The following RANBP2 variants were observed in gnomAD, a reference collection of about 807,000 sequenced individuals.
The protein encoded by RANBP2 is RAN binding protein 2, also known as E3 SUMO-protein ligase RanBP2.
Under a neutral mutation model 303.6 loss-of-function variants are expected in RANBP2, and 57 were observed. The observed-to-expected ratio is 0.19, with a 90% CI of 0.15 to 0.23. The LOEUF (loss-of-function observed/expected upper bound fraction) is 0.23, where lower values mean the gene tolerates loss of function less well. RANBP2 is among the 10% of genes least tolerant of loss of function. RANBP2 has a pLI of 1.00. For missense variants in RANBP2, 3,138 were observed against 3,780.8 expected (o/e 0.83, Z 4.46); for synonymous variants, 1,167 against 1,301.5 (o/e 0.90, Z 2.23).
the RANBP2 span, among the ~76,000 whole-genome samples, chr2:109,103,078 G>A: frequency 6.6e-5 from 10 of 152,214 alleles, no homozygotes; most frequent in African/African-American, 1.9e-4. Flanking sequence ...CGTGTGTGCA[G>A]CACTGTGCTT....
At chr2:108,937,749 ATATGAATG>A in the RANBP2 span, among the ~76,000 whole-genome samples, 1 of 151,884 alleles carries the variant, frequency 6.6e-6, no homozygotes, top group African/African-American at 2.4e-5. Flanking sequence ...GAGTGTATGC[ATATGAATG>A]TATGTGTGTG....
the RANBP2 span, among the ~76,000 whole-genome samples, chr2:109,392,465 G>A: frequency 2.0e-5 from 3 of 152,044 alleles, no homozygotes; most frequent in Non-Finnish European, 2.9e-5. Flanking sequence ...ATGTGGGGAT[G>A]AAGGTAAAGT....
At chr2:108,939,067 C>T in the RANBP2 span, among the ~76,000 whole-genome samples, 42 of 151,988 alleles carry the variant, frequency 2.8e-4, no homozygotes, top group South Asian at 6.2e-4. Flanking sequence ...CATGAGCCAC[C>T]GTGCCTGGCC....
At chr2:108,720,036 G>C (rs1477897808) in intron 1 of RANBP2, 1 of 985,230 alleles carries the variant, frequency 1.0e-6, no homozygotes. Flanking sequence ...CCCGGGTGCT[G>C]TATCGGCGGG....
chr2:108,899,495 TAGTG>T, the RANBP2 span, among the ~76,000 whole-genome samples: 487 of 152,264 alleles, frequency 3.2e-3, 3 homozygotes, highest in Non-Finnish European at 5.9e-3. Flanking sequence ...GAAAAGAACA[TAGTG>T]AGCAAAAATA....
chr2:109,179,743 A>G, the RANBP2 span, among the ~76,000 whole-genome samples: 41 of 152,146 alleles, frequency 2.7e-4, no homozygotes, highest in African/African-American at 9.2e-4. Context: ...AATTACCTCC[A>G]AAGACCCTGC....
the RANBP2 span, among the ~76,000 whole-genome samples, chr2:109,495,072 G>A: frequency 0.031 from 4,678 of 152,264 alleles, 152 homozygotes; most frequent in African/African-American, 0.079. Context: ...ACGAGCCTGG[G>A]GTGTAAGTCA....
At chr2:109,536,077 C>CCTCT in the RANBP2 span, among the ~76,000 whole-genome samples, 2 of 150,972 alleles carry the variant, frequency 1.3e-5, no homozygotes, top group African/African-American at 4.9e-5. Context: ...TCATGGAGAA[C>CCTCT]CTCTGCTAGG....
the RANBP2 span, among the ~76,000 whole-genome samples, chr2:109,457,125 C>T: frequency 6.6e-6 from 1 of 152,198 alleles, no homozygotes; most frequent in Non-Finnish European, 1.5e-5. Context: ...ACGATAGCAC[C>T]TACCACCCTG....
At chr2:109,582,985 A>C in the RANBP2 span, among the ~76,000 whole-genome samples, 2,527 of 152,318 alleles carry the variant, frequency 0.017, 68 homozygotes, top group African/African-American at 0.057. Flanking sequence ...ATGCAGAAGA[A>C]TGAAACTGGA....
chr2:109,565,750 T>C, the RANBP2 span: 1 of 1,605,324 alleles, frequency 6.2e-7, no homozygotes, highest in South Asian at 1.1e-5. Flanking sequence ...TAGTCATCCT[T>C]TGTCTCATTT....
At chr2:108,741,574 C>T (rs184757258) in intron 7 of RANBP2, among the ~76,000 whole-genome samples, 3,325 of 131,112 alleles carry the variant, frequency 0.025, 128 homozygotes, top group African/African-American at 0.089. Context: ...GGCACGATCT[C>T]GGCTCCCTGC....
chr2:109,129,043 A>G, the RANBP2 span: 2 of 413,602 alleles, frequency 4.8e-6, no homozygotes, highest in East Asian at 1.1e-4. Flanking sequence ...GACAGCGACT[A>G]GCGAGCAGGC....
chr2:109,532,009 A>C, the RANBP2 span, among the ~76,000 whole-genome samples: 378 of 152,364 alleles, frequency 2.5e-3, 1 homozygote, highest in Non-Finnish European at 3.5e-3. Context: ...AAGTGAATAC[A>C]CAGTTGCCTA....
the RANBP2 span, among the ~76,000 whole-genome samples, chr2:109,084,783 A>G: frequency 6.6e-6 from 1 of 152,308 alleles, no homozygotes; most frequent in Non-Finnish European, 1.5e-5. Context: ...CAGCATGAAC[A>G]CTGTGGACGC....
chr2:108,772,195 A>T (rs1210177867), intron 21 of RANBP2, among the ~76,000 whole-genome samples: 1 of 152,234 alleles, frequency 6.6e-6, no homozygotes, highest in East Asian at 1.9e-4. Context: ...CTTTGTATGC[A>T]GTAACAGTTT....
At chr2:109,626,754 CT>C in the RANBP2 span, among the ~76,000 whole-genome samples, 1 of 152,224 alleles carries the variant, frequency 6.6e-6, no homozygotes, top group Non-Finnish European at 1.5e-5. Flanking sequence ...AGTAGACTGG[CT>C]TCTGCCAAGC....
At chr2:109,568,965 T>A in the RANBP2 span, among the ~76,000 whole-genome samples, 1 of 152,218 alleles carries the variant, frequency 6.6e-6, no homozygotes, top group Non-Finnish European at 1.5e-5. Context: ...GAAGACCGAA[T>A]AACTTGTAAA....
the RANBP2 span, among the ~76,000 whole-genome samples, chr2:109,086,599 G>GTCT: frequency 2.0e-5 from 3 of 152,104 alleles, no homozygotes; most frequent in African/African-American, 7.2e-5. Context: ...TGAGTCTTCT[G>GTCT]CAACCTTTGT....
Sources: allele counts gnomAD v4.1 joint callset (sites outside exome capture counted in the v4.1 genomes callset), GRCh38; gene constraint gnomAD v4.1.1; transcripts MANE v1.5; gene names NCBI Gene and HGNC (gene_info 2026-07-23, HGNC 2026-07-21).